SV2C: variants seen among roughly 807,000 people sequenced by gnomAD.
The protein encoded by SV2C is solute carrier family 22 member B3.
In SV2C, 49 loss-of-function variants were observed where a neutral mutation model predicts 79.7. That is an observed-to-expected ratio of 0.61 (90% CI 0.49 to 0.78). SV2C has a LOEUF of 0.78. Ranked by LOEUF, SV2C falls within the 30% of genes least tolerant of loss-of-function variation. The pLI, the probability that SV2C is intolerant of heterozygous loss-of-function variation, is 0.00. For synonymous variants in SV2C, 334 were observed against 333.2 expected (o/e 1.00, Z -0.03); for missense variants, 833 against 912.9 (o/e 0.91, Z 1.13).
chr5:75,885,838 A>G, the SV2C span, among the ~76,000 whole-genome samples: 1 of 152,166 alleles, frequency 6.6e-6, no homozygotes, highest in Non-Finnish European at 1.5e-5. Context: ...GCAGACTCCA[A>G]GAAGGAGATT....
At chr5:76,007,083 G>A in the SV2C span, among the ~76,000 whole-genome samples, 8 of 152,088 alleles carry the variant, frequency 5.3e-5, no homozygotes, top group South Asian at 8.3e-4. Context: ...TAGTTTCCCC[G>A]AGGAGAATTA....
the SV2C span, among the ~76,000 whole-genome samples, chr5:76,062,983 G>A: frequency 2.0e-5 from 3 of 152,164 alleles, no homozygotes; most frequent in East Asian, 3.9e-4. Flanking sequence ...TTATTTATCC[G>A]CCATGTTGCC....
At chr5:76,130,268 A>G (rs956907570) in intron 1 of SV2C, among the ~76,000 whole-genome samples, 3 of 149,542 alleles carry the variant, frequency 2.0e-5, no homozygotes, top group Non-Finnish European at 4.4e-5. Flanking sequence ...ATTTCATTTT[A>G]TCATTTTCCA....
At chr5:76,001,266 A>G in the SV2C span, among the ~76,000 whole-genome samples, 2 of 152,136 alleles carry the variant, frequency 1.3e-5, no homozygotes, top group African/African-American at 2.4e-5. Context: ...GGGCTAGAAG[A>G]AAATAATTTT....
At chr5:76,115,996 T>G (rs1748251232) in intron 1 of SV2C, among the ~76,000 whole-genome samples, 2 of 152,226 alleles carry the variant, frequency 1.3e-5, no homozygotes, top group Admixed American at 6.5e-5. Flanking sequence ...CTAGCCTTAA[T>G]TGGGCTTCTC....
At chr5:76,010,215 C>G in the SV2C span, among the ~76,000 whole-genome samples, 4 of 152,048 alleles carry the variant, frequency 2.6e-5, no homozygotes, top group African/African-American at 4.8e-5. Context: ...ATCAGGCCCT[C>G]TCTCCCTAGG....
In SV2C at chr5:76,209,899, G is replaced by A. The variant is rs772040741; in HGVS notation, c.913+12G>A. On this transcript the variant is annotated intron_variant, in intron 4 of 12. Transcript: ENST00000502798. ...CATCCCGCACTACGGTAAGAGGCTG[G>A]CCTTGCCCCAGCTGGGCAGTCACTT... 8 of 1,606,514 alleles carry A rather than the reference G, an allele frequency of 5.0e-6. No homozygotes were observed. Among genetic ancestry groups the A allele is most frequent in the African/African-American group, 1.3e-5 (1 of 74,814 alleles).
rs779123910 is a variant in SV2C, at chr5:76,325,410, G to A, written c.2047G>A (p.Val683Ile). The change falls in exon 13 of 13, where the codon GTC (valine) becomes ATC (isoleucine). Residue 683 changes from valine (V) to isoleucine (I), a missense_variant. Val to Ile is a conservative substitution (Grantham distance 29, BLOSUM62 3). Coordinates refer to ENST00000502798, the MANE Select transcript of SV2C (RefSeq NM_014979.4). The part of the protein sequence containing the change: ...FLNALCKAAA[V>I]LGNLIFGSLV... ...AAATGCGCTATGCAAGGCAGCAGCCGTCCTGGGAAACTTAATATTTGGCTC... is the reference window on the plus strand; with the variant it reads ...AAATGCGCTATGCAAGGCAGCAGCCATCCTGGGAAACTTAATATTTGGCTC... The A allele has an allele frequency of 9.9e-6, 16 of 1,614,076 alleles. No homozygotes were observed. The highest frequency in any genetic ancestry group is 3.3e-5 in the Admixed American group (2 of 60,008).
the SV2C span, among the ~76,000 whole-genome samples, chr5:75,899,338 T>G: frequency 8.5e-5 from 13 of 152,364 alleles, no homozygotes; most frequent in East Asian, 1.3e-3. Flanking sequence ...CCAGTAGTCA[T>G]TCAGGAGCAG....
At chr5:76,169,545 G>C (rs1050061054) in intron 2 of SV2C, among the ~76,000 whole-genome samples, 2 of 152,198 alleles carry the variant, frequency 1.3e-5, no homozygotes, top group East Asian at 3.8e-4. Flanking sequence ...GCATAAAACT[G>C]TTATGTTTCT....
At chr5:75,971,351 AG>A in the SV2C span, among the ~76,000 whole-genome samples, 2 of 152,050 alleles carry the variant, frequency 1.3e-5, no homozygotes, top group Non-Finnish European at 2.9e-5. Context: ...AAGGAAATAA[AG>A]GGTATTCAAT....
the SV2C span, among the ~76,000 whole-genome samples, chr5:76,032,413 A>G: frequency 6.6e-6 from 1 of 151,952 alleles, no homozygotes. Context: ...CGACCCCACA[A>G]CAGTTCCCAG....
chr5:75,899,318 C>A, the SV2C span, among the ~76,000 whole-genome samples: 1 of 152,124 alleles, frequency 6.6e-6, no homozygotes, highest in Non-Finnish European at 1.5e-5. Flanking sequence ...GCCTTCATTT[C>A]GTTATGTACC....
At chr5:76,058,952 C>A in the SV2C span, among the ~76,000 whole-genome samples, 1 of 151,974 alleles carries the variant, frequency 6.6e-6, no homozygotes, top group East Asian at 1.9e-4. Flanking sequence ...TGATTCCAGA[C>A]CACTAAAAGA....
At chr5:76,292,310 CCT>C (rs1747596366) in intron 8 of SV2C, among the ~76,000 whole-genome samples, 1 of 152,148 alleles carries the variant, frequency 6.6e-6, no homozygotes, top group South Asian at 2.1e-4. Context: ...GTGATGTCAT[CCT>C]CTCTTTTTAA....
chr5:75,948,556 G>A, the SV2C span, among the ~76,000 whole-genome samples: 1 of 151,972 alleles, frequency 6.6e-6, no homozygotes, highest in Non-Finnish European at 1.5e-5. Flanking sequence ...AAGAAATAGA[G>A]TGAAAGTCCT....
chr5:76,339,477 G>A (rs1044331671), intron 12 of SV2C, among the ~76,000 whole-genome samples: 2 of 152,106 alleles, frequency 1.3e-5, no homozygotes, highest in South Asian at 4.1e-4. Flanking sequence ...CACTTTGGGA[G>A]GCCAAGGCGG....
At chr5:76,324,798 G>C (rs1748938375) in intron 12 of SV2C, among the ~76,000 whole-genome samples, 1 of 152,150 alleles carries the variant, frequency 6.6e-6, no homozygotes, top group African/African-American at 2.4e-5. Flanking sequence ...GGAGGCTGCA[G>C]TGAGTTATCA....
intron 1 of SV2C, among the ~76,000 whole-genome samples, chr5:76,091,350 A>G (rs1426296536): frequency 6.6e-6 from 1 of 152,134 alleles, no homozygotes; most frequent in Admixed American, 6.5e-5. Context: ...GCCTGCTTCA[A>G]AGATTCCTCA....
Sources: allele counts gnomAD v4.1 joint callset (sites outside exome capture counted in the v4.1 genomes callset), GRCh38; gene constraint gnomAD v4.1.1; transcripts MANE v1.5; gene names NCBI Gene and HGNC (gene_info 2026-07-23, HGNC 2026-07-21).